Variants in OPA1 observed in about 807,000 individuals in gnomAD.
OPA1 encodes the protein OPA1 mitochondrial dynamin like GTPase.
Under a neutral mutation model 152.9 loss-of-function variants are expected in OPA1, and 59 were observed. That is an observed-to-expected ratio of 0.39 (90% CI 0.31 to 0.48). The LOEUF (loss-of-function observed/expected upper bound fraction) is 0.48. Among genes scored for constraint, OPA1 ranks in the 20% least tolerant of loss-of-function variants. The probability of loss-of-function intolerance (pLI) is 0.96; values close to 1 mark genes in which losing one functional copy is unlikely to be tolerated. For synonymous variants in OPA1, 400 were observed against 389.9 expected, an observed-to-expected ratio of 1.03 and a Z score of -0.31; for missense variants, 1,008 against 1,216.8, an observed-to-expected ratio of 0.83 and a Z score of 2.55.
intron 16 of OPA1, 63 bp downstream of exon 16, chr3:193,644,168 T>G (rs1734191265): frequency 6.3e-7 from 1 of 1,582,344 alleles, no homozygotes; most frequent in South Asian, 1.1e-5. Flanking sequence ...GTGATAGGGA[T>G]TTGTTATTTA....
At position 193,654,855 on chromosome 3, in the gene OPA1, A is replaced by G. The variant is rs770588510; in HGVS notation, c.2013-7A>G. The G allele has an allele frequency of 3.7e-6, 6 of 1,613,110 alleles. No homozygotes were observed. The highest frequency in any genetic ancestry group is 1.3e-5 in the African/African-American group (1 of 74,878). The stretch of plus-strand genomic sequence containing the variant: ...GATTTGGTGCTTTTGATACTTTTTT[A>G]TTTCAGGGAGGAAATCCTTCAACAA... On this transcript the variant is annotated splice_region_variant and splice_polypyrimidine_tract_variant and intron_variant, in intron 21 of 30. Transcript: ENST00000361510.
intron 13 of OPA1, 68 bp from the exon 14 acceptor site, chr3:193,643,305 C>A: frequency 7.7e-7 from 1 of 1,304,222 alleles, no homozygotes; most frequent in Non-Finnish European, 1.1e-6. Context: ...ATACATTTCA[C>A]CAAAAAAAAT....
chr3:193,615,805 T>G, intron 3 of OPA1, 35 bp downstream of exon 3: 1 of 1,185,538 alleles, frequency 8.4e-7, no homozygotes, highest in Non-Finnish European at 1.3e-6. Context: ...CTTTTTTTGG[T>G]CATCTCGAGG....
chr3:193,631,273 A>G (rs115198080), intron 7 of OPA1, among the ~76,000 whole-genome samples: 2,379 of 152,310 alleles, frequency 0.016, 70 homozygotes, highest in African/African-American at 0.055. Context: ...CTGAATCCCT[A>G]TGCTTTAGTA....
intron 21 of OPA1, among the ~76,000 whole-genome samples, chr3:193,651,992 T>G (rs1712598170): frequency 6.6e-6 from 1 of 152,172 alleles, no homozygotes; most frequent in South Asian, 2.1e-4. Context: ...ATAAAACTAT[T>G]ACCTTTATTA....
At chr3:193,626,273 C>T in intron 7 of OPA1, 71 bp downstream of exon 7, 1 of 1,054,112 alleles carries the variant, frequency 9.5e-7, no homozygotes, top group South Asian at 1.3e-5. Context: ...ATCATGTCAC[C>T]TCAATCTGTT....
chr3:193,645,357 A>C (rs776258224), intron 16 of OPA1, among the ~76,000 whole-genome samples, 196 bp from the exon 17 acceptor site: 2 of 152,258 alleles, frequency 1.3e-5, no homozygotes, highest in Non-Finnish European at 2.9e-5. Context: ...CGTGTGTTTT[A>C]ATAATACATT....
In OPA1 at chr3:193,654,880, A is replaced by G. The variant is rs1283596761; in HGVS notation, c.2031A>G (p.Gln677=). ...ATTTCAGGGAGGAAATCCTTCAACAATCTTTGTGGGAAAGAGTATCAACTC... is the reference window on the plus strand; with the variant it reads ...ATTTCAGGGAGGAAATCCTTCAACAGTCTTTGTGGGAAAGAGTATCAACTC... ...TPKHWEEILQ[Q]SLWERVSTHV... Residue 677 remains glutamine (Q), a synonymous_variant, in exon 22 of 31, where the codon CAA becomes CAG. Coordinates refer to ENST00000361510, the MANE Select transcript of OPA1 (RefSeq NM_130837.3). 5.0e-6 allele frequency: 8 copies of G among 1,613,766 alleles called. 1 individual carries two copies. Among genetic ancestry groups the G allele is most frequent in the Admixed American group, 3.3e-5 (2 of 59,994 alleles).
At chr3:193,622,849 TTAAAG>T (rs1417440670) in intron 6 of OPA1, among the ~76,000 whole-genome samples, 5 of 152,164 alleles carry the variant, frequency 3.3e-5, no homozygotes, top group Admixed American at 2.0e-4. Context: ...TAGAGGCTGA[TTAAAG>T]TAAATAAATC....
At chr3:193,617,890 A>G in intron 5 of OPA1, 53 bp downstream of exon 5, 1 of 1,279,916 alleles carries the variant, frequency 7.8e-7, no homozygotes, top group Admixed American at 1.7e-5. Context: ...AATGCTTCTA[A>G]TAAACTAGTT....
At chr3:193,621,913 C>G in intron 6 of OPA1, among the ~76,000 whole-genome samples, 1 of 152,176 alleles carries the variant, frequency 6.6e-6, no homozygotes, top group East Asian at 1.9e-4. Context: ...TCATATATAC[C>G]GGTGACAAGA....
At chr3:193,629,521 AC>A (rs1731734993) in intron 7 of OPA1, among the ~76,000 whole-genome samples, 1 of 151,746 alleles carries the variant, frequency 6.6e-6, no homozygotes. Context: ...ACATGGTGAA[AC>A]CCCATCTCTA....
At chr3:193,596,128 C>T (rs1725449989) in intron 1 of OPA1, among the ~76,000 whole-genome samples, 1 of 151,566 alleles carries the variant, frequency 6.6e-6, no homozygotes. Context: ...CGCCCCCATC[C>T]TCCCACTCCC....
chr3:193,629,497 G>C (rs1731732151), intron 7 of OPA1, among the ~76,000 whole-genome samples: 1 of 151,696 alleles, frequency 6.6e-6, no homozygotes. Flanking sequence ...AGGAGATCGA[G>C]ACCATCCTGG....
At chr3:193,667,698 A>G (rs1425537713) in intron 29 of OPA1, among the ~76,000 whole-genome samples, 1 of 151,320 alleles carries the variant, frequency 6.6e-6, no homozygotes, top group African/African-American at 2.4e-5. Flanking sequence ...AAAAGTTACA[A>G]GGAATTTTTT....
chr3:193,611,337 G>A (rs1025001160), intron 1 of OPA1, among the ~76,000 whole-genome samples: 15 of 152,044 alleles, frequency 9.9e-5, no homozygotes, highest in African/African-American at 2.4e-4. Flanking sequence ...GATGGCTCAC[G>A]CCTGTAATCC....
At chr3:193,637,025 C>T (rs1339484280) in intron 9 of OPA1, among the ~76,000 whole-genome samples, 170 bp from the exon 10 acceptor site, 1 of 152,054 alleles carries the variant, frequency 6.6e-6, no homozygotes, top group Non-Finnish European at 1.5e-5. Flanking sequence ...GACTTTTAAT[C>T]TGTACCGTTT....
chr3:193,604,869 A>AAAAAAAG (rs58426738), intron 1 of OPA1, among the ~76,000 whole-genome samples: 22,436 of 144,962 alleles, frequency 0.15, 2,229 homozygotes, highest in East Asian at 0.31. Flanking sequence ...TCAAAAAAAA[A>AAAAAAAG]AAAAAAGAAA....
At chr3:193,671,636 G>C (rs974995730) in intron 29 of OPA1, among the ~76,000 whole-genome samples, 1 of 152,154 alleles carries the variant, frequency 6.6e-6, no homozygotes, top group Non-Finnish European at 1.5e-5. Context: ...ATTATTCATA[G>C]CGAATACAAA....
Sources: allele counts gnomAD v4.1 joint callset (sites outside exome capture counted in the v4.1 genomes callset), GRCh38; gene constraint gnomAD v4.1.1; transcripts MANE v1.5; gene names NCBI Gene and HGNC (gene_info 2026-07-23, HGNC 2026-07-21).